Variants in SPAST observed in about 807,000 individuals in gnomAD.
SPAST encodes spastin.
SPAST carries 30 observed loss-of-function variants against 76.6 expected under a neutral mutation model. The observed-to-expected ratio is 0.39, with a 90% CI of 0.29 to 0.53. The LOEUF (loss-of-function observed/expected upper bound fraction) is 0.53. Ranked by LOEUF, SPAST falls within the 20% of genes least tolerant of loss-of-function variation. The pLI is 0.68. For synonymous variants in SPAST, 305 were observed against 281.0 expected (o/e 1.09, Z -0.86); for missense variants, 717 against 770.5 (o/e 0.93, Z 0.82).
intron 1 of SPAST, 125 bp downstream of exon 1, chr2:32,064,371 C>G (rs1324145232): frequency 5.8e-6 from 5 of 856,516 alleles, no homozygotes; most frequent in Non-Finnish European, 9.0e-6. Context: ...ATTGATATGC[C>G]CCGGGAGACT....
At chr2:32,138,486 G>A (rs925790230) in intron 12 of SPAST, among the ~76,000 whole-genome samples, 9 of 152,246 alleles carry the variant, frequency 5.9e-5, no homozygotes, top group Admixed American at 5.9e-4. Flanking sequence ...TGTCTTTTGA[G>A]AAGTGTCTAT....
At chr2:32,110,863 T>C (rs1468756656) in intron 4 of SPAST, among the ~76,000 whole-genome samples, 2 of 119,956 alleles carry the variant, frequency 1.7e-5, no homozygotes, top group African/African-American at 6.3e-5. Flanking sequence ...AGAGTATATA[T>C]ACAGTATACT....
chr2:32,152,604 C>G (rs1436217775), intron 16 of SPAST, among the ~76,000 whole-genome samples: 1 of 152,022 alleles, frequency 6.6e-6, no homozygotes, highest in East Asian at 1.9e-4. Flanking sequence ...TTAGTAATAT[C>G]ATGTTTAATA....
intron 4 of SPAST, among the ~76,000 whole-genome samples, chr2:32,100,124 A>G (rs931779095): frequency 4.6e-5 from 7 of 152,236 alleles, no homozygotes; most frequent in African/African-American, 1.4e-4. Context: ...TTAGATTCCC[A>G]AAAGTAGCGT....
At chr2:32,089,130 C>T (rs899824226) in intron 2 of SPAST, among the ~76,000 whole-genome samples, 3 of 151,392 alleles carry the variant, frequency 2.0e-5, no homozygotes, top group African/African-American at 4.9e-5. Context: ...GATGTGGTCA[C>T]CTCTCACTGC....
chr2:32,149,184 G>C (rs1014992352), intron 16 of SPAST, among the ~76,000 whole-genome samples: 27 of 151,338 alleles, frequency 1.8e-4, no homozygotes, highest in Non-Finnish European at 3.1e-4. Flanking sequence ...CCACCTCCCA[G>C]GTTCAAGCGA....
chr2:32,089,748 A>C (rs1050683755), intron 3 of SPAST, 143 bp downstream of exon 3: 69 of 636,938 alleles, frequency 1.1e-4, no homozygotes, highest in Non-Finnish European at 1.8e-4. Flanking sequence ...CATATACAAA[A>C]ACAGAAGAGC....
Position 32,109,103 on chromosome 2 carries a change from C to A in SPAST, c.683-5535C>A, listed in dbSNP as rs572995151. ...TGGATGTAATTCATTGCAGATTATA[C>A]CTCAGTAAATTTTTATTTAGTTTTT... On this transcript the variant is annotated intron_variant, in intron 4 of 16. Transcript: ENST00000315285. Among the ~76,000 whole-genome samples the A allele has an allele frequency of 4.9e-4, 73 of 149,576 alleles. No homozygotes were observed. The Middle Eastern group carries it at 0.019, about 38-fold the overall frequency.
At chr2:32,084,397 C>G (rs924351141) in intron 1 of SPAST, among the ~76,000 whole-genome samples, 13 of 151,210 alleles carry the variant, frequency 8.6e-5, no homozygotes, top group Non-Finnish European at 1.3e-4. Flanking sequence ...ATCTCCTGAC[C>G]TCGTGATCCA....
chr2:32,067,680 T>A (rs927027063), intron 1 of SPAST, among the ~76,000 whole-genome samples: 6 of 151,370 alleles, frequency 4.0e-5, no homozygotes, highest in African/African-American at 1.5e-4. Flanking sequence ...AGTGTTTCAC[T>A]CTCTTACCCA....
intron 3 of SPAST, among the ~76,000 whole-genome samples, chr2:32,093,719 A>C (rs1396179707): frequency 6.6e-6 from 1 of 152,134 alleles, no homozygotes; most frequent in East Asian, 1.9e-4. Context: ...TTACCGAATA[A>C]ATATTTGCCA....
At chr2:32,078,854 AT>A (rs767441013) in intron 1 of SPAST, among the ~76,000 whole-genome samples, 2 of 151,998 alleles carry the variant, frequency 1.3e-5, no homozygotes, top group Non-Finnish European at 2.9e-5. Flanking sequence ...AATATATTTG[AT>A]CTTCCTTGTG....
chr2:32,086,700 A>G (rs1037802737), intron 1 of SPAST, among the ~76,000 whole-genome samples: 3 of 151,806 alleles, frequency 2.0e-5, no homozygotes, highest in Admixed American at 1.3e-4. Context: ...GGAGGTTGCA[A>G]TGAGCCGAGA....
Position 32,141,890 on chromosome 2 carries a change from A to ATTT in SPAST, c.1494-5_1494-3dup. 1 of 1,252,712 alleles carries ATTT rather than the reference A, an allele frequency of 8.0e-7. No homozygotes were observed. Among genetic ancestry groups the ATTT allele is most frequent in the South Asian group, 1.5e-5 (1 of 68,628 alleles). The allele number at this position is 1,252,712 out of a possible 1,614,324, so 77.6% of individuals were successfully genotyped here. On this transcript the variant is annotated splice_polypyrimidine_tract_variant and intron_variant, in intron 12 of 16. Transcript: ENST00000315285. ...AAAATTATATTTCTAAAAGTGCTGG[A>ATTT]TTTTTTTTTTTAGGCGTTTCATCAA... is the stretch of plus-strand genomic sequence containing the variant.
chr2:32,139,534 A>C (rs1045224418), intron 12 of SPAST, among the ~76,000 whole-genome samples: 1 of 152,208 alleles, frequency 6.6e-6, no homozygotes, highest in Non-Finnish European at 1.5e-5. Context: ...GCCACAAAGA[A>C]AATGAAATAA....
At chr2:32,141,783 T>G (rs921447630) in intron 12 of SPAST, 121 bp from the exon 13 acceptor site, 1 of 728,762 alleles carries the variant, frequency 1.4e-6, no homozygotes, top group African/African-American at 1.8e-5. Context: ...TTTACATTGA[T>G]AACTACCAAA....
intron 1 of SPAST, among the ~76,000 whole-genome samples, chr2:32,072,401 A>G (rs978388951): frequency 1.3e-5 from 2 of 152,140 alleles, no homozygotes; most frequent in African/African-American, 4.8e-5. Context: ...TACTAGAGTC[A>G]GGCTGGGAAT....
intron 15 of SPAST, among the ~76,000 whole-genome samples, chr2:32,146,012 C>T (rs980999162): frequency 6.6e-6 from 1 of 152,166 alleles, no homozygotes; most frequent in African/African-American, 2.4e-5. Flanking sequence ...TTAAAAATTA[C>T]CAGTAACACC....
chr2:32,123,938 A>G (rs1314741266), intron 7 of SPAST, among the ~76,000 whole-genome samples: 4 of 152,202 alleles, frequency 2.6e-5, no homozygotes, highest in Non-Finnish European at 5.9e-5. Flanking sequence ...AAAATCTAGG[A>G]TAACATGAGA....
Sources: gnomAD v4.1 joint callset for allele counts (sites outside exome capture counted in the v4.1 genomes callset) on GRCh38, gnomAD v4.1.1 for gene constraint, MANE v1.5 for transcripts, NCBI Gene and HGNC (gene_info 2026-07-23, HGNC 2026-07-21) for gene names.